The following NRG1 variants were observed in gnomAD, a reference collection of about 807,000 sequenced individuals.
NRG1 encodes pro-neuregulin-1, membrane-bound isoform.
In NRG1, 18 loss-of-function variants were observed where a neutral mutation model predicts 63.8. The observed-to-expected ratio is 0.28, with a 90% CI of 0.19 to 0.42. The LOEUF (loss-of-function observed/expected upper bound fraction) is 0.42. Ranked by LOEUF, NRG1 falls within the 10% of genes least tolerant of loss-of-function variation. The pLI is 1.00. For synonymous variants in NRG1, 302 were observed against 301.3 expected (o/e 1.00, Z -0.02); for missense variants, 762 against 814.7 (o/e 0.94, Z 0.79).
In NRG1 at chr8:31,778,830, C is replaced by T. The variant is rs920662552; in HGVS notation, c.37+139399C>T. On this transcript the variant is annotated intron_variant, in intron 1 of 10. Transcript: ENST00000519301. Reference sequence around the variant, plus strand: ...TTGTTTCACTACCCCTAAAACAGTGCATGTGCAGGAGGACTGTTATTGCTG... The same window carrying T: ...TTGTTTCACTACCCCTAAAACAGTGTATGTGCAGGAGGACTGTTATTGCTG... Among the ~76,000 whole-genome samples the T allele has an allele frequency of 2.0e-5, 3 of 152,290 alleles. No individual in the cohort carries two copies. In the South Asian group the frequency reaches 6.2e-4, roughly 32 times the overall value.
chr8:31,695,707 A>G (rs1355892484), intron 1 of NRG1, among the ~76,000 whole-genome samples: 1 of 152,218 alleles, frequency 6.6e-6, no homozygotes, highest in Non-Finnish European at 1.5e-5. Flanking sequence ...AAGTTTTCTT[A>G]TAAACCATTC....
chr8:32,660,664 G>A (rs75874251), intron 5 of NRG1, among the ~76,000 whole-genome samples: 2,941 of 152,224 alleles, frequency 0.019, 100 homozygotes, highest in African/African-American at 0.067. Flanking sequence ...CCCTGTCTCC[G>A]GCTGTGTGAC....
chr8:32,036,600 C>T (rs1819103229), intron 1 of NRG1, among the ~76,000 whole-genome samples: 1 of 152,064 alleles, frequency 6.6e-6, no homozygotes, highest in Admixed American at 6.6e-5. Context: ...TAACATAATC[C>T]CATAGTTCAC....
chr8:32,747,265 G>A (rs1349806280), intron 7 of NRG1, among the ~76,000 whole-genome samples: 1 of 152,082 alleles, frequency 6.6e-6, no homozygotes, highest in Non-Finnish European at 1.5e-5. Flanking sequence ...AAGAGTTTCT[G>A]TAGACATCGC....
rs16879776 is a variant in NRG1, at chr8:32,695,756, C to T, written c.503-32193C>T. 7.5e-3 allele frequency among the ~76,000 whole-genome samples: 1,144 copies of T among 152,206 alleles called. 10 individuals are homozygous for T. The highest frequency in any genetic ancestry group is 0.026 in the African/African-American group (1,093 of 41,532). ...TTCTTTTTGCTAATGTCATTAAGTG[C>T]CATCTATTAAAAATCAGGTGCTTAC... On this transcript the variant is annotated intron_variant, in intron 5 of 11. Transcript: ENST00000356819.
At chr8:32,082,402 T>C (rs1827600487) in intron 1 of NRG1, among the ~76,000 whole-genome samples, 1 of 152,028 alleles carries the variant, frequency 6.6e-6, no homozygotes, top group African/African-American at 2.4e-5. Flanking sequence ...CAGTGTCTCT[T>C]TTTCACCTCT....
chr8:31,725,310 A>G (rs571325111), intron 1 of NRG1, among the ~76,000 whole-genome samples: 40 of 152,278 alleles, frequency 2.6e-4, no homozygotes, highest in Admixed American at 2.3e-3. Context: ...TACTGAGAAC[A>G]TGCCTTGGCA....
At chr8:31,806,611 C>T (rs1333783009) in intron 1 of NRG1, among the ~76,000 whole-genome samples, 1 of 152,108 alleles carries the variant, frequency 6.6e-6, no homozygotes, top group Non-Finnish European at 1.5e-5. Flanking sequence ...ATTGCTCAAC[C>T]TAATACCCTT....
At chr8:32,153,576 A>G (rs2131844384) in intron 1 of NRG1, among the ~76,000 whole-genome samples, 1 of 152,328 alleles carries the variant, frequency 6.6e-6, no homozygotes, top group Admixed American at 6.5e-5. Context: ...ATAGAAAATT[A>G]GTCTATGGCC....
chr8:31,950,615 A>G (rs1803321340), intron 1 of NRG1, among the ~76,000 whole-genome samples: 1 of 152,204 alleles, frequency 6.6e-6, no homozygotes, highest in Non-Finnish European at 1.5e-5. Context: ...CTTCTCTAAT[A>G]TTCTGTATTG....
At chr8:32,694,468 T>C (rs552480427) in intron 5 of NRG1, among the ~76,000 whole-genome samples, 5 of 152,290 alleles carry the variant, frequency 3.3e-5, no homozygotes, top group Admixed American at 1.3e-4. Context: ...TATTGTGTTT[T>C]TTCTTCATGA....
At chr8:31,886,267 A>T (rs1393235918) in intron 1 of NRG1, among the ~76,000 whole-genome samples, 2 of 152,124 alleles carry the variant, frequency 1.3e-5, no homozygotes, top group Non-Finnish European at 2.9e-5. Flanking sequence ...CATTATTAAC[A>T]GTGTGGAAAA....
At chr8:32,530,354 G>T (rs573960842) in intron 1 of NRG1, among the ~76,000 whole-genome samples, 1 of 152,030 alleles carries the variant, frequency 6.6e-6, no homozygotes, top group Admixed American at 6.5e-5. Flanking sequence ...TGATCCGCCC[G>T]CCTCGGCCTC....
intron 1 of NRG1, among the ~76,000 whole-genome samples, chr8:32,189,694 C>A (rs950435357): frequency 2.6e-5 from 4 of 152,128 alleles, no homozygotes; most frequent in Non-Finnish European, 5.9e-5. Context: ...AATTTGGTGG[C>A]CCTCTTAGTG....
At chr8:32,132,619 G>C (rs1334496313) in intron 1 of NRG1, among the ~76,000 whole-genome samples, 1 of 151,974 alleles carries the variant, frequency 6.6e-6, no homozygotes, top group African/African-American at 2.4e-5. Context: ...TGGCTAAGGG[G>C]TGTAAGAAAG....
At chr8:32,433,400 G>GT (rs1818406010) in intron 1 of NRG1, among the ~76,000 whole-genome samples, 1 of 152,112 alleles carries the variant, frequency 6.6e-6, no homozygotes, top group African/African-American at 2.4e-5. Context: ...GCAGATCTGT[G>GT]GAAACTATTA....
intron 7 of NRG1, chr8:32,749,826 C>T (rs1828320867): frequency 1.8e-6 from 1 of 556,382 alleles, no homozygotes; most frequent in Non-Finnish European, 3.2e-6. Flanking sequence ...AAGTACCCTA[C>T]CTGCTGCAAA....
intron 1 of NRG1, among the ~76,000 whole-genome samples, chr8:31,943,112 C>T (rs1280952434): frequency 6.6e-6 from 1 of 152,054 alleles, no homozygotes; most frequent in African/African-American, 2.4e-5. Context: ...AAATATGGAA[C>T]CAGCCCAAAT....
intron 1 of NRG1, among the ~76,000 whole-genome samples, chr8:32,371,674 T>A (rs1172542891): frequency 6.6e-6 from 1 of 152,176 alleles, no homozygotes; most frequent in Non-Finnish European, 1.5e-5. Context: ...ATGGAACTTG[T>A]CCTTTGCCTT....
Sources: gnomAD v4.1 joint callset for allele counts (sites outside exome capture counted in the v4.1 genomes callset) on GRCh38, gnomAD v4.1.1 for gene constraint, MANE v1.5 for transcripts, NCBI Gene and HGNC (gene_info 2026-07-23, HGNC 2026-07-21) for gene names.